CNNM2: variants seen among roughly 807,000 people sequenced by gnomAD.
The protein encoded by CNNM2 is metal transporter CNNM2.
CNNM2 carries 12 observed loss-of-function variants against 66.9 expected under a neutral mutation model. The observed-to-expected ratio is 0.18, with a 90% CI of 0.11 to 0.29. The LOEUF (loss-of-function observed/expected upper bound fraction) is 0.29. Ranked by LOEUF, CNNM2 falls within the 10% of genes least tolerant of loss-of-function variation. CNNM2 has a pLI of 1.00. For synonymous variants in CNNM2, 557 were observed against 501.8 expected, an observed-to-expected ratio of 1.11 and a Z score of -1.47; for missense variants, 705 against 1,167.7, an observed-to-expected ratio of 0.60 and a Z score of 5.77.
intron 1 of CNNM2, chr10:103,027,612 C>A (rs917821045): frequency 1.3e-5 from 2 of 152,154 alleles, no homozygotes; most frequent in Non-Finnish European, 1.5e-5. Flanking sequence ...TCAGGTGATA[C>A]AAATGATGGT....
At chr10:103,023,461 T>G (rs1259641237) in intron 1 of CNNM2, among the ~76,000 whole-genome samples, 1 of 152,086 alleles carries the variant, frequency 6.6e-6, no homozygotes, top group Non-Finnish European at 1.5e-5. Flanking sequence ...GGCAGGAGAA[T>G]CGCTTGAACC....
At position 103,054,914 on chromosome 10, in the gene CNNM2, G is replaced by A. The variant is rs1034313959; in HGVS notation, c.1903+448G>A. On this transcript the variant is annotated intron_variant, in intron 3 of 7. Transcript: ENST00000369878. This position sits in a 1 kb window ranked among gnomAD's most constrained non-coding sequence, Gnocchi z 5.2. ...CCTGGAAGCACAGTTGGACATCAGT[G>A]GTAACACAGGGGCTGTGATTTGCAA... Among the ~76,000 whole-genome samples, 1 of 152,132 alleles carries A rather than the reference G, an allele frequency of 6.6e-6. No individual in the cohort carries two copies. The highest frequency in any genetic ancestry group is 2.4e-5 in the African/African-American group (1 of 41,426).
chr10:102,924,432 A>G (rs1415280023), intron 1 of CNNM2, among the ~76,000 whole-genome samples: 3 of 152,220 alleles, frequency 2.0e-5, no homozygotes, highest in African/African-American at 7.2e-5. Flanking sequence ...TTTCTTAGTA[A>G]CAGGTGGGAT....
intron 1 of CNNM2, among the ~76,000 whole-genome samples, chr10:102,981,518 TA>T (rs1394398692): frequency 5.3e-5 from 8 of 151,506 alleles, no homozygotes; most frequent in African/African-American, 1.5e-4. Flanking sequence ...GCCTCCCGAG[TA>T]GCTGGGACCC....
chr10:103,086,998 C>CT lies in CNNM2; in HGVS notation c.*9819dup, dbSNP rs2065822798. 1 of 152,112 alleles carries CT rather than the reference C, an allele frequency of 6.6e-6. No homozygotes were observed. The highest frequency in any genetic ancestry group is 2.1e-4 in the South Asian group (1 of 4,824). 9.4% of individuals were successfully genotyped at this position (152,112 alleles called of 1,614,324 possible). ...AGGCTAGGGGACCTGTCAGTACATGCTGTAAGGTTGGGAGTTCAGTCTAGC... is the reference window on the plus strand; with the variant it reads ...AGGCTAGGGGACCTGTCAGTACATGCTTGTAAGGTTGGGAGTTCAGTCTAGC... On this transcript the variant is annotated 3_prime_UTR_variant, in exon 8 of 8. Coordinates refer to ENST00000369878, the MANE Select transcript of CNNM2 (RefSeq NM_017649.5).
chr10:102,928,243 A>T (rs946567023), intron 1 of CNNM2, among the ~76,000 whole-genome samples: 2 of 152,154 alleles, frequency 1.3e-5, no homozygotes, highest in Non-Finnish European at 2.9e-5. Context: ...TTGTTATCTT[A>T]GTCTGTTTGT....
chr10:102,994,711 C>T (rs748746287), intron 1 of CNNM2, among the ~76,000 whole-genome samples: 14 of 152,254 alleles, frequency 9.2e-5, no homozygotes, highest in Non-Finnish European at 1.9e-4. Flanking sequence ...AGTAAATACC[C>T]AGGCCTTGCC....
rs571662641 is a variant in CNNM2 at position 103,005,795 on chromosome 10, C to G, written c.1622-43912C>G. Among the ~76,000 whole-genome samples the G allele has an allele frequency of 1.1e-4, 17 of 152,262 alleles. No individual in the cohort carries two copies. In the South Asian group the frequency reaches 3.5e-3, roughly 32 times the overall value. On this transcript the variant is annotated intron_variant, in intron 1 of 7. Coordinates refer to ENST00000369878, the MANE Select transcript of CNNM2 (RefSeq NM_017649.5). ...CCAGGCTGGAGTGCAGTGGCATGAT[C>G]ATAGCTCACTGCAGCCTTGATCTCC... is the stretch of plus-strand genomic sequence containing the variant.
intron 1 of CNNM2, among the ~76,000 whole-genome samples, chr10:103,014,501 C>G (rs1374194205): frequency 6.6e-6 from 1 of 152,158 alleles, no homozygotes; most frequent in Non-Finnish European, 1.5e-5. Context: ...GAATTTGGAG[C>G]AAAGCCCTCG....
rs550946962 is a variant in CNNM2 at position 102,951,097 on chromosome 10, C to A, written c.1621+30996C>A. Among the ~76,000 whole-genome samples, 5 of 150,040 alleles carry A rather than the reference C, an allele frequency of 3.3e-5. No individual in the cohort carries two copies. The South Asian group carries it at 1.1e-3, about 32-fold the overall frequency. The stretch of plus-strand genomic sequence containing the variant: ...CTGCCTCTTGGATTCAAGCAATTCT[C>A]CTGCCTCAACCTCCCAAGTAGCTGG... On this transcript the variant is annotated intron_variant, in intron 1 of 7. Transcript: ENST00000369878.
chr10:103,033,133 AAGAAAAAC>A (rs1395286616), intron 1 of CNNM2, among the ~76,000 whole-genome samples: 1 of 151,764 alleles, frequency 6.6e-6, no homozygotes, highest in Non-Finnish European at 1.5e-5. Flanking sequence ...AAAAAAAGAA[AAGAAAAAC>A]AGAAAAACTA....
intron 1 of CNNM2, among the ~76,000 whole-genome samples, chr10:102,940,508 TC>T (rs1306927023): frequency 8.2e-6 from 1 of 122,046 alleles, no homozygotes; most frequent in Non-Finnish European, 1.7e-5. Context: ...AAGCTCCGCC[TC>T]CCGGGTTCAC....
At chr10:102,954,037 T>C (rs922590205) in intron 1 of CNNM2, among the ~76,000 whole-genome samples, 1 of 152,120 alleles carries the variant, frequency 6.6e-6, no homozygotes, top group Non-Finnish European at 1.5e-5. Context: ...GTAAGTGGCA[T>C]AGTAAGAATT....
chr10:103,070,127 C>T (rs2065550550), intron 5 of CNNM2, among the ~76,000 whole-genome samples: 1 of 152,348 alleles, frequency 6.6e-6, no homozygotes, highest in African/African-American at 2.4e-5. Flanking sequence ...CCACTGTCAA[C>T]TGCTGACCAA....
chr10:102,995,859 C>T (rs921911423), intron 1 of CNNM2, among the ~76,000 whole-genome samples: 6 of 152,012 alleles, frequency 3.9e-5, no homozygotes, highest in Non-Finnish European at 7.4e-5. Flanking sequence ...CACCACTCCC[C>T]CCAGCTAATT....
At position 103,043,825 on chromosome 10, in the gene CNNM2, T is replaced by A. The variant is rs74598527; in HGVS notation, c.1622-5882T>A. Among the ~76,000 whole-genome samples the A allele has an allele frequency of 8.4e-3, 1,280 of 152,256 alleles. 24 individuals are homozygous for A. The highest frequency in any genetic ancestry group is 0.03 in the African/African-American group (1,243 of 41,542). On this transcript the variant is annotated intron_variant, in intron 1 of 7. Coordinates refer to ENST00000369878, the MANE Select transcript of CNNM2 (RefSeq NM_017649.5). ...TAATAGCTTGCTTAGGATTCTGAAT[T>A]TGAGGAGAGATGTATTTGTAAAACC...
At chr10:102,998,063 A>G (rs2064037328) in intron 1 of CNNM2, among the ~76,000 whole-genome samples, 1 of 152,172 alleles carries the variant, frequency 6.6e-6, no homozygotes, top group Admixed American at 6.5e-5. Flanking sequence ...GCTCTGATTA[A>G]GTTAGAGTTA....
At position 102,918,364 on chromosome 10, in the gene CNNM2, G is replaced by C. The variant is rs1041971718; in HGVS notation, c.-117G>C. The C allele has an allele frequency of 2.0e-6, 3 of 1,482,116 alleles. No homozygotes were observed. The highest frequency in any genetic ancestry group is 2.9e-5 in the African/African-American group (2 of 69,172). The allele number at this position is 1,482,116 out of a possible 1,614,324, so 91.8% of individuals were successfully genotyped here. ...TGAGGTGGAGTCAGTGTCAGTCAGGGAGGCGAACTGCTGAGCACTGGCCGC... is the reference window on the plus strand; with the variant it reads ...TGAGGTGGAGTCAGTGTCAGTCAGGCAGGCGAACTGCTGAGCACTGGCCGC... On this transcript the variant is annotated 5_prime_UTR_variant, in exon 1 of 8. Coordinates refer to ENST00000369878, the MANE Select transcript of CNNM2 (RefSeq NM_017649.5). This position sits in a 1 kb window ranked among gnomAD's most constrained non-coding sequence, Gnocchi z 4.1.
At chr10:102,939,736 T>C (rs1406107863) in intron 1 of CNNM2, among the ~76,000 whole-genome samples, 1 of 152,092 alleles carries the variant, frequency 6.6e-6, no homozygotes, top group African/African-American at 2.4e-5. Context: ...CCCAGCACTT[T>C]GGTATGGACG....
Sources: gnomAD v4.1 joint callset for allele counts (sites outside exome capture counted in the v4.1 genomes callset) on GRCh38, gnomAD v4.1.1 for gene constraint, Gnocchi (gnomAD v3.1) non-coding constraint, MANE v1.5 for transcripts, NCBI Gene and HGNC (gene_info 2026-07-23, HGNC 2026-07-21) for gene names.